Variants in EML6 observed in about 807,000 individuals in gnomAD.
EML6 encodes the protein echinoderm microtubule-associated protein-like 6.
A neutral mutation model predicts 240.1 loss-of-function variants in EML6; 154 were observed. That is an observed-to-expected ratio of 0.64 (90% CI 0.56 to 0.73). The LOEUF (loss-of-function observed/expected upper bound fraction) is 0.73. Ranked by LOEUF, EML6 falls within the 30% of genes least tolerant of loss-of-function variation. The pLI is 0.00. For synonymous variants in EML6, 1,148 were observed against 899.0 expected, an observed-to-expected ratio of 1.28 and a Z score of -4.95; for missense variants, 2,964 against 2,474.6, an observed-to-expected ratio of 1.20 and a Z score of -4.20.
At chr2:54,890,951 G>A (rs1165675080) in intron 17 of EML6, 103 bp from the exon 18 acceptor site, 4 of 500,858 alleles carry the variant, frequency 8.0e-6, no homozygotes, top group Non-Finnish European at 1.4e-5. Context: ...TAATTTAATG[G>A]TCCTGTTAGA....
intron 19 of EML6, 83 bp downstream of exon 19, chr2:54,892,739 C>T (rs1227827768): frequency 2.8e-6 from 3 of 1,079,280 alleles, no homozygotes; most frequent in Non-Finnish European, 2.6e-6. Flanking sequence ...AAGAGGATGC[C>T]TGTATCTAAA....
chr2:54,830,690 A>G (rs1462110362), intron 7 of EML6, among the ~76,000 whole-genome samples: 1 of 152,240 alleles, frequency 6.6e-6, no homozygotes, highest in Admixed American at 6.5e-5. Flanking sequence ...CCTTCAGGCC[A>G]TCCTTAAATA....
chr2:54,814,482 C>A (rs979928524), intron 3 of EML6, among the ~76,000 whole-genome samples: 2 of 152,188 alleles, frequency 1.3e-5, no homozygotes, highest in Non-Finnish European at 2.9e-5. Context: ...CTCCCTAAGG[C>A]GGGGCCTCTT....
intron 7 of EML6, among the ~76,000 whole-genome samples, chr2:54,837,926 G>C (rs918875388): frequency 6.6e-6 from 1 of 152,128 alleles, no homozygotes. Flanking sequence ...TGGAACATGG[G>C]TTTTAAGAAC....
chr2:54,930,529 T>TA (rs1674797666), intron 28 of EML6, among the ~76,000 whole-genome samples: 1 of 152,104 alleles, frequency 6.6e-6, no homozygotes, highest in Non-Finnish European at 1.5e-5. Flanking sequence ...TTTTTTTTTT[T>TA]ATCAAAAGGA....
intron 12 of EML6, among the ~76,000 whole-genome samples, chr2:54,861,383 C>T (rs1273023448): frequency 6.6e-6 from 1 of 152,184 alleles, no homozygotes; most frequent in Non-Finnish European, 1.5e-5. Context: ...AATGGGCCCA[C>T]TTCAGGAGTT....
rs1161670684 is a variant in EML6 at position 54,882,127 on chromosome 2, G to A, written c.2438+2487G>A. On this transcript the variant is annotated intron_variant, in intron 17 of 41. Coordinates refer to ENST00000356458, the MANE Select transcript of EML6 (RefSeq NM_001039753.4). ...TAGAGAAATTCAGAATTGGACCATA[G>A]AGATCTTATTTACAAGATACTCAAG... The A allele has an allele frequency of 2.0e-5, 3 of 152,150 alleles. No homozygotes were observed. In the East Asian group the frequency reaches 5.8e-4, roughly 29 times the overall value. The allele number at this position is 152,150 out of a possible 1,614,324, so 9.4% of individuals were successfully genotyped here.
intron 2 of EML6, among the ~76,000 whole-genome samples, chr2:54,806,084 T>A (rs1279839890): frequency 6.6e-6 from 1 of 152,102 alleles, no homozygotes; most frequent in Non-Finnish European, 1.5e-5. Flanking sequence ...TTTGTTAACA[T>A]TTTTTCTGAC....
At chr2:54,937,320 C>G (rs1305933146) in intron 28 of EML6, among the ~76,000 whole-genome samples, 17 of 150,448 alleles carry the variant, frequency 1.1e-4, no homozygotes. Context: ...CATGGTGGGG[C>G]AAGCCGGTTA....
chr2:54,781,934 G>T (rs528937320), intron 2 of EML6, among the ~76,000 whole-genome samples: 18 of 152,282 alleles, frequency 1.2e-4, no homozygotes, highest in African/African-American at 4.1e-4. Context: ...CTCCCAAAGT[G>T]CTGGGATCAC....
intron 19 of EML6, 72 bp downstream of exon 19, chr2:54,892,728 C>T: frequency 1.7e-6 from 2 of 1,191,728 alleles, no homozygotes; most frequent in Non-Finnish European, 2.3e-6. Flanking sequence ...TAGGATGGCC[C>T]AAGAGGATGC....
intron 13 of EML6, among the ~76,000 whole-genome samples, chr2:54,866,269 A>G (rs1017728271): frequency 1.3e-5 from 2 of 152,190 alleles, no homozygotes; most frequent in African/African-American, 4.8e-5. Flanking sequence ...AAATGGTACA[A>G]TCAGCAGCAC....
At chr2:54,735,575 C>T (rs933524251) in intron 2 of EML6, among the ~76,000 whole-genome samples, 1 of 152,276 alleles carries the variant, frequency 6.6e-6, no homozygotes, top group East Asian at 1.9e-4. Context: ...TGACTTCTTC[C>T]TTATACTTCT....
chr2:54,896,999 C>T (rs913036793), intron 21 of EML6, among the ~76,000 whole-genome samples: 2 of 152,198 alleles, frequency 1.3e-5, no homozygotes, highest in African/African-American at 4.8e-5. Context: ...GGTCTTTGTT[C>T]TCCAGCTGTT....
intron 28 of EML6, among the ~76,000 whole-genome samples, chr2:54,932,164 C>T (rs1456098774): frequency 1.3e-5 from 2 of 152,188 alleles, no homozygotes; most frequent in African/African-American, 4.8e-5. Flanking sequence ...TCAAAAGAAT[C>T]CTGGGCTACA....
intron 3 of EML6, among the ~76,000 whole-genome samples, chr2:54,816,209 TCTTA>T (rs1291016376): frequency 2.6e-5 from 4 of 152,240 alleles, no homozygotes; most frequent in Non-Finnish European, 5.9e-5. Flanking sequence ...TGCATTTTAT[TCTTA>T]CTTTAAGGAC....
rs991295784 is a variant in EML6, at chr2:54,936,339, T to G, written c.4004+7588T>G. 2.6e-5 allele frequency among the ~76,000 whole-genome samples: 4 copies of G among 152,236 alleles called. No individual in the cohort carries two copies. The South Asian group carries it at 6.2e-4, about 24-fold the overall frequency. On this transcript the variant is annotated intron_variant, in intron 28 of 41. Transcript: ENST00000356458. ...CCAGGTATTAGTCTTCCTAGTTACA[T>G]CTGGTGGAGCCATGGTTAGTAATTT...
intron 4 of EML6, among the ~76,000 whole-genome samples, chr2:54,817,285 A>G (rs1195212214): frequency 6.6e-6 from 1 of 152,198 alleles, no homozygotes; most frequent in Non-Finnish European, 1.5e-5. Context: ...CAACTTCGTG[A>G]TTCTTTGTTG....
At chr2:54,889,312 T>G (rs1672328711) in intron 17 of EML6, among the ~76,000 whole-genome samples, 1 of 151,880 alleles carries the variant, frequency 6.6e-6, no homozygotes, top group South Asian at 2.1e-4. Flanking sequence ...AAAATCAAAT[T>G]GTCTAACTCC....
Sources: gnomAD v4.1 joint callset for allele counts (sites outside exome capture counted in the v4.1 genomes callset) on GRCh38, gnomAD v4.1.1 for gene constraint, MANE v1.5 for transcripts, NCBI Gene and HGNC (gene_info 2026-07-23, HGNC 2026-07-21) for gene names.